MAD1L1: variants seen among roughly 807,000 people sequenced by gnomAD.
MAD1L1 encodes mitotic spindle assembly checkpoint protein MAD1.
Under a neutral mutation model 96.9 loss-of-function variants are expected in MAD1L1, and 95 were observed. The observed-to-expected ratio is 0.98, with a 90% CI of 0.83 to 1.16. MAD1L1 has a LOEUF of 1.16. Among genes scored for constraint, MAD1L1 ranks in the 50% most tolerant of loss-of-function variants. MAD1L1 has a pLI of 0.00. For missense variants in MAD1L1, 1,007 were observed against 954.4 expected (o/e 1.06, Z -0.73); for synonymous variants, 473 against 396.6 (o/e 1.19, Z -2.29).
intron 5 of MAD1L1, chr7:2,221,104 G>C: frequency 7.2e-7 from 1 of 1,392,046 alleles, no homozygotes; most frequent in Non-Finnish European, 9.9e-7. Context: ...AGACATGACA[G>C]GCCAAAGCAG....
intron 12 of MAD1L1, among the ~76,000 whole-genome samples, chr7:2,019,728 C>T (rs1238723671): frequency 4.0e-5 from 6 of 151,188 alleles, no homozygotes; most frequent in Non-Finnish European, 7.4e-5. Context: ...CCACCCCCAA[C>T]GCAAGGCCAC....
At position 1,873,388 on chromosome 7, in the gene MAD1L1, G is replaced by A. The variant is rs1785209417; in HGVS notation, c.1998+24812C>T. Among the ~76,000 whole-genome samples the A allele has an allele frequency of 2.6e-5, 4 of 151,846 alleles. No homozygotes were observed. The South Asian group carries it at 8.3e-4, about 32-fold the overall frequency. On this transcript the variant is annotated intron_variant, in intron 18 of 18. Coordinates refer to ENST00000265854, the MANE Select transcript of MAD1L1 (RefSeq NM_001013836.2). ...AGCAGGGGCAGGGCTCTGGGAGGAG[G>A]TTGGGGAGGCCTCAAGGAAGGTGGC...
chr7:1,823,494 A>G (rs971228252), intron 18 of MAD1L1, among the ~76,000 whole-genome samples: 1 of 152,166 alleles, frequency 6.6e-6, no homozygotes, highest in Non-Finnish European at 1.5e-5. Context: ...CTCCCTGCCC[A>G]TCTCTCCTAG....
At chr7:2,037,904 A>G (rs1358965478) in intron 12 of MAD1L1, among the ~76,000 whole-genome samples, 1 of 152,226 alleles carries the variant, frequency 6.6e-6, no homozygotes, top group Non-Finnish European at 1.5e-5. Context: ...CCTTTAAACC[A>G]AAAGCTAGAA....
chr7:2,186,226 T>A (rs536723099), intron 10 of MAD1L1, among the ~76,000 whole-genome samples: 1 of 152,362 alleles, frequency 6.6e-6, no homozygotes, highest in African/African-American at 2.4e-5. Flanking sequence ...ATGTTTCAGA[T>A]ACACTTAAAA....
At chr7:2,177,588 T>C (rs1377224074) in intron 10 of MAD1L1, among the ~76,000 whole-genome samples, 1 of 152,232 alleles carries the variant, frequency 6.6e-6, no homozygotes, top group Non-Finnish European at 1.5e-5. Context: ...TATCTTTGTT[T>C]TGGATGCCAC....
At chr7:1,874,039 CCT>C (rs934466880) in intron 18 of MAD1L1, among the ~76,000 whole-genome samples, 1 of 152,202 alleles carries the variant, frequency 6.6e-6, no homozygotes, top group African/African-American at 2.4e-5. Context: ...GACAGGCGGG[CCT>C]CTCTGAGCAC....
At position 2,103,051 on chromosome 7, in the gene MAD1L1, G is replaced by A. The variant is rs770825464; in HGVS notation, c.1074-33713C>T. On this transcript the variant is annotated intron_variant, in intron 11 of 18. Coordinates refer to ENST00000265854, the MANE Select transcript of MAD1L1 (RefSeq NM_001013836.2). This position sits in a 1 kb window ranked among gnomAD's most constrained non-coding sequence, Gnocchi z 4.3. ...TGATGCTGCCAACACCTGGGTCAGCGCTGGGTCAGGCCTGGCCACGCTGCC... is the reference window on the plus strand; with the variant it reads ...TGATGCTGCCAACACCTGGGTCAGCACTGGGTCAGGCCTGGCCACGCTGCC... 2.6e-5 allele frequency among the ~76,000 whole-genome samples: 4 copies of A among 152,326 alleles called. No individual in the cohort carries two copies. The highest frequency in any genetic ancestry group is 2.1e-4 in the South Asian group (1 of 4,830).
intron 16 of MAD1L1, 71 bp from the exon 17 acceptor site, chr7:1,936,968 G>T: frequency 8.0e-7 from 1 of 1,253,618 alleles, no homozygotes; most frequent in Non-Finnish European, 1.1e-6. Flanking sequence ...ACACAGCATG[G>T]GTCACCATGG....
At chr7:2,152,541 T>C (rs1789631963) in intron 10 of MAD1L1, among the ~76,000 whole-genome samples, 1 of 152,164 alleles carries the variant, frequency 6.6e-6, no homozygotes. Flanking sequence ...GATGACAGCC[T>C]TCAAGAACGT....
chr7:1,979,926 T>C (rs66979794), intron 15 of MAD1L1, among the ~76,000 whole-genome samples: 17,321 of 152,242 alleles, frequency 0.11, 1,678 homozygotes, highest in African/African-American at 0.25. Context: ...CTGCTGTCAG[T>C]GCTGGCTGGA....
At chr7:2,042,987 G>C (rs944319572) in intron 12 of MAD1L1, among the ~76,000 whole-genome samples, 1 of 152,136 alleles carries the variant, frequency 6.6e-6, no homozygotes, top group Non-Finnish European at 1.5e-5. Flanking sequence ...GAAGCTGAAA[G>C]TCACCTTCGC....
At chr7:1,910,659 G>A (rs904838500) in intron 17 of MAD1L1, among the ~76,000 whole-genome samples, 10 of 152,228 alleles carry the variant, frequency 6.6e-5, no homozygotes, top group Admixed American at 3.3e-4. Context: ...ATCTGAGATC[G>A]CGTGTTTGCC....
At chr7:2,150,283 G>GTC (rs1055652379) in intron 10 of MAD1L1, among the ~76,000 whole-genome samples, 2 of 152,116 alleles carry the variant, frequency 1.3e-5, no homozygotes, top group Non-Finnish European at 2.9e-5. Flanking sequence ...CTCTCTGCGA[G>GTC]TCAGCCACGG....
At chr7:1,980,672 T>C in intron 14 of MAD1L1, 131 bp from the exon 15 acceptor site, 1 of 746,552 alleles carries the variant, frequency 1.3e-6, no homozygotes, top group Non-Finnish European at 2.4e-6. Context: ...GGGAGAGACC[T>C]CTCTCCTGGA....
At position 1,815,905 on chromosome 7, in the gene MAD1L1, G is replaced by A. The variant is rs563671782; in HGVS notation, c.*165C>T. 51 of 794,410 alleles carry A rather than the reference G, an allele frequency of 6.4e-5. No homozygotes were observed. Among genetic ancestry groups the A allele is most frequent in the East Asian group, 3.6e-4 (13 of 35,882 alleles). The allele number at this position is 794,410 out of a possible 1,614,324, so 49.2% of individuals were successfully genotyped here. A position where few individuals can be genotyped will look rare whatever the true frequency, so the allele number is the denominator to read the frequency against. On this transcript the variant is annotated 3_prime_UTR_variant, in exon 19 of 19. Transcript: ENST00000265854. ...TCTGCACGTGGAGAGGGTGCTGGCC[G>A]CCCCAGCAGGAAGCCCGACGTAGGT...
intron 10 of MAD1L1, among the ~76,000 whole-genome samples, chr7:2,208,164 T>G (rs544187137): frequency 1.3e-5 from 2 of 152,306 alleles, no homozygotes; most frequent in South Asian, 4.1e-4. Flanking sequence ...TATGCATTCC[T>G]AATATTTCAT....
At chr7:1,939,636 G>C (rs1778846054) in intron 16 of MAD1L1, among the ~76,000 whole-genome samples, 1 of 152,206 alleles carries the variant, frequency 6.6e-6, no homozygotes, top group African/African-American at 2.4e-5. Flanking sequence ...CCACCCTTGG[G>C]GCTTCTGCCC....
At chr7:2,161,103 G>GCCCCTGGCCCTC (rs1562741665) in intron 10 of MAD1L1, among the ~76,000 whole-genome samples, 6 of 26,264 alleles carry the variant, frequency 2.3e-4, no homozygotes, top group Non-Finnish European at 3.4e-4. Flanking sequence ...CGATAATGGA[G>GCCCCTGGCCCTC]CCCCTGCCCC....
Sources: gnomAD v4.1 joint callset for allele counts (sites outside exome capture counted in the v4.1 genomes callset) on GRCh38, gnomAD v4.1.1 for gene constraint, Gnocchi (gnomAD v3.1) non-coding constraint, MANE v1.5 for transcripts, NCBI Gene and HGNC (gene_info 2026-07-23, HGNC 2026-07-21) for gene names.